The following TMEM132B variants were observed in gnomAD, a reference collection of about 807,000 sequenced individuals.
TMEM132B encodes the protein transmembrane protein 132B.
Under a neutral mutation model 90.8 loss-of-function variants are expected in TMEM132B, and 18 were observed. The observed-to-expected ratio is 0.20, with a 90% CI of 0.14 to 0.29. TMEM132B has a LOEUF of 0.29. TMEM132B is among the 10% of genes least tolerant of loss of function. TMEM132B has a pLI of 1.00. For missense variants in TMEM132B, 1,096 were observed against 1,326.8 expected, an observed-to-expected ratio of 0.83 and a Z score of 2.70; for synonymous variants, 504 against 523.3, an observed-to-expected ratio of 0.96 and a Z score of 0.50.
intron 3 of TMEM132B, among the ~76,000 whole-genome samples, chr12:125,442,359 A>G (rs559559619): frequency 6.7e-4 from 102 of 152,308 alleles, no homozygotes; most frequent in African/African-American, 2.1e-3. Flanking sequence ...ATGTTTTGTG[A>G]TCTCCTGGAA....
At chr12:125,513,342 G>T (rs1883029852) in intron 3 of TMEM132B, among the ~76,000 whole-genome samples, 1 of 152,158 alleles carries the variant, frequency 6.6e-6, no homozygotes, top group Non-Finnish European at 1.5e-5. Flanking sequence ...GCGTGTGCCT[G>T]TGTGCGTGTG....
In TMEM132B at chr12:125,445,170, A is replaced by AC. The variant is rs1880972504; in HGVS notation, c.1106+29493_1106+29494insC. 6.6e-6 allele frequency among the ~76,000 whole-genome samples: 1 copy of AC among 152,176 alleles called. No individual in the cohort carries two copies. The highest frequency in any genetic ancestry group is 1.5e-5 in the Non-Finnish European group (1 of 68,040). On this transcript the variant is annotated intron_variant, in intron 3 of 8. Coordinates refer to ENST00000682704, the MANE Select transcript of TMEM132B (RefSeq NM_001366854.1). The surrounding 1 kb of genome is among the most constrained non-coding windows in gnomAD (Gnocchi z 4.3). ...ATTTTCCTCTCCAATGGAAAAAAAA[A>AC]ACTTTTCAGATATTTATTAATCATT...
At chr12:125,337,139 C>A (rs1876990087) in intron 1 of TMEM132B, among the ~76,000 whole-genome samples, 1 of 152,224 alleles carries the variant, frequency 6.6e-6, no homozygotes, top group Non-Finnish European at 1.5e-5. Flanking sequence ...GTGTCTTTAT[C>A]TCCTCCTTGC....
At chr12:125,281,596 C>T (rs1875178200) in intron 1 of TMEM132B, among the ~76,000 whole-genome samples, 1 of 152,120 alleles carries the variant, frequency 6.6e-6, no homozygotes, top group African/African-American at 2.4e-5. Flanking sequence ...CATCACGTAG[C>T]GTAATATTGG....
At chr12:125,289,949 T>G (rs900141514) in intron 1 of TMEM132B, among the ~76,000 whole-genome samples, 9 of 152,208 alleles carry the variant, frequency 5.9e-5, no homozygotes, top group Non-Finnish European at 1.2e-4. Flanking sequence ...TGCTGACATA[T>G]CTGGGCGCTC....
At chr12:125,381,475 AAGAGTTTATC>A (rs1878679701) in intron 2 of TMEM132B, among the ~76,000 whole-genome samples, 1 of 152,164 alleles carries the variant, frequency 6.6e-6, no homozygotes. Flanking sequence ...GGGGAGGCTA[AAGAGTTTATC>A]TATTGGCCTC....
In TMEM132B at chr12:125,278,430, A is replaced by G. The variant is rs1264604342; in HGVS notation, c.68-71022A>G. On this transcript the variant is annotated intron_variant, in intron 1 of 8. Coordinates refer to ENST00000682704, the MANE Select transcript of TMEM132B (RefSeq NM_001366854.1). ...ATTGGTTTTTAATTTCAAAAATTTA[A>G]CTGTCAATCAAGGTCATCTTTCCAT... Among the ~76,000 whole-genome samples the G allele has an allele frequency of 2.6e-5, 4 of 151,208 alleles. No homozygotes were observed. In the South Asian group the frequency reaches 8.3e-4, roughly 32 times the overall value.
chr12:125,493,642 C>T (rs1423456743), intron 3 of TMEM132B, among the ~76,000 whole-genome samples: 7 of 152,216 alleles, frequency 4.6e-5, no homozygotes, highest in South Asian at 2.1e-4. Flanking sequence ...TCTGGCTGGG[C>T]GCTGCCAGTG....
chr12:125,214,107 A>C (rs1282847252), intron 1 of TMEM132B, among the ~76,000 whole-genome samples: 1 of 152,204 alleles, frequency 6.6e-6, no homozygotes, highest in Non-Finnish European at 1.5e-5. Flanking sequence ...AGCAGGAGCC[A>C]TTAGGGTTAG....
At chr12:125,208,127 A>G (rs1229946697) in intron 1 of TMEM132B, among the ~76,000 whole-genome samples, 3 of 152,192 alleles carry the variant, frequency 2.0e-5, no homozygotes, top group African/African-American at 7.2e-5. Context: ...CACAGATCAC[A>G]CAGAGCCAGA....
chr12:125,566,785 C>G (rs1566075948), intron 4 of TMEM132B, among the ~76,000 whole-genome samples: 1 of 147,834 alleles, frequency 6.8e-6, no homozygotes, highest in Non-Finnish European at 1.5e-5. Context: ...TTTTCATTCT[C>G]TCTTTCTCGA....
At chr12:125,390,643 T>C (rs1878981699) in intron 2 of TMEM132B, among the ~76,000 whole-genome samples, 2 of 152,228 alleles carry the variant, frequency 1.3e-5, no homozygotes, top group African/African-American at 4.8e-5. Flanking sequence ...CGGATCATTT[T>C]TTCTGGAGGA....
chr12:125,612,190 A>G (rs1885847375), intron 5 of TMEM132B, among the ~76,000 whole-genome samples: 1 of 152,178 alleles, frequency 6.6e-6, no homozygotes, highest in Non-Finnish European at 1.5e-5. Flanking sequence ...AAAATGACCA[A>G]TAAGGCCAGG....
At chr12:125,218,166 G>T (rs924918872) in intron 1 of TMEM132B, among the ~76,000 whole-genome samples, 1 of 152,128 alleles carries the variant, frequency 6.6e-6, no homozygotes, top group Non-Finnish European at 1.5e-5. Flanking sequence ...TGGGGGAGTT[G>T]GGTACCTTCT....
At chr12:125,563,564 C>CAAAA (rs1212085071) in intron 4 of TMEM132B, among the ~76,000 whole-genome samples, 1 of 79,494 alleles carries the variant, frequency 1.3e-5, no homozygotes, top group Non-Finnish European at 2.4e-5. Context: ...GACTCTGTCT[C>CAAAA]AAAAACAAAC....
At chr12:125,321,405 A>C (rs1876421553) in intron 1 of TMEM132B, among the ~76,000 whole-genome samples, 1 of 152,116 alleles carries the variant, frequency 6.6e-6, no homozygotes, top group South Asian at 2.1e-4. Flanking sequence ...TTTTGCAAGG[A>C]TGTGGAGAAA....
intron 2 of TMEM132B, among the ~76,000 whole-genome samples, chr12:125,357,711 A>G (rs1445008162): frequency 6.6e-6 from 1 of 152,224 alleles, no homozygotes; most frequent in African/African-American, 2.4e-5. Context: ...ACACTGAGTC[A>G]CCACTGGAAG....
chr12:125,327,327 C>T (rs1454897163), intron 1 of TMEM132B: 1 of 152,410 alleles, frequency 6.6e-6, no homozygotes, highest in Non-Finnish European at 1.5e-5. Context: ...ATACCCACCT[C>T]CCTTGTCCCA....
intron 4 of TMEM132B, among the ~76,000 whole-genome samples, chr12:125,566,835 C>CTTT (rs869196346): frequency 6.6e-4 from 52 of 78,744 alleles, no homozygotes; most frequent in African/African-American, 2.0e-3. Context: ...TCTTCTTCTT[C>CTTT]TTTTTTTTTT....
Sources: gnomAD v4.1 joint callset for allele counts (sites outside exome capture counted in the v4.1 genomes callset) on GRCh38, gnomAD v4.1.1 for gene constraint, Gnocchi (gnomAD v3.1) non-coding constraint, MANE v1.5 for transcripts, NCBI Gene and HGNC (gene_info 2026-07-23, HGNC 2026-07-21) for gene names.